The following DLG2 variants were observed in gnomAD, a reference collection of about 807,000 sequenced individuals.
The protein encoded by DLG2 is discs large MAGUK scaffold protein 2, also known as disks large homolog 2.
DLG2 carries 45 observed loss-of-function variants against 132.5 expected under a neutral mutation model. The observed-to-expected ratio is 0.34, with a 90% confidence interval of 0.27 to 0.44. The LOEUF (loss-of-function observed/expected upper bound fraction) is 0.44, where lower values mean the gene tolerates loss of function less well. Ranked by LOEUF, DLG2 falls within the 20% of genes least tolerant of loss-of-function variation. The pLI is 1.00. For missense variants in DLG2, 1,045 were observed against 1,196.9 expected (o/e 0.87, Z 1.87); for synonymous variants, 424 against 419.6 (o/e 1.01, Z -0.13).
chr11:85,238,205 TTTTATTTATTTATTTATTTATTTATTTA>T lies in DLG2; in HGVS notation c.186+46987_186+47014del, dbSNP rs141877580. ...AACTTTTTTTTATTTTTTATTTTTA[TTTTATTTATTTATTTATTTATTTATTTA>T]TTTATTTATTTATTTATTTATTTAT... On this transcript the variant is annotated intron_variant, in intron 4 of 27. Transcript: ENST00000376104. Among the ~76,000 whole-genome samples the T allele has an allele frequency of 1.0e-3, 128 of 125,994 alleles. 1 individual carries two copies. The highest frequency in any genetic ancestry group is 3.6e-3 in the African/African-American group (121 of 33,992). The allele number at this position is 125,994 out of a possible 152,430, so 82.7% of individuals were successfully genotyped here. A position where few individuals can be genotyped will look rare whatever the true frequency, so the allele number is the denominator to read the frequency against.
chr11:84,785,107 T>C (rs1015922546), intron 6 of DLG2, among the ~76,000 whole-genome samples: 15 of 152,136 alleles, frequency 9.9e-5, no homozygotes, highest in African/African-American at 3.6e-4. Flanking sequence ...AAATGTATGA[T>C]GAGAAAAAAA....
intron 22 of DLG2, among the ~76,000 whole-genome samples, chr11:83,473,754 C>A (rs765044235): frequency 7.2e-5 from 11 of 152,032 alleles, no homozygotes; most frequent in Non-Finnish European, 1.5e-4. Context: ...TGTATATCCT[C>A]ACCACCCACC....
At chr11:85,323,595 T>G in intron 3 of DLG2, among the ~76,000 whole-genome samples, 1 of 152,220 alleles carries the variant, frequency 6.6e-6, no homozygotes, top group Non-Finnish European at 1.5e-5. Flanking sequence ...ACACTAGAAC[T>G]TATTCCTTCT....
intron 22 of DLG2, among the ~76,000 whole-genome samples, chr11:83,473,593 G>A (rs2092317924): frequency 6.6e-6 from 1 of 152,080 alleles, no homozygotes; most frequent in Non-Finnish European, 1.5e-5. Flanking sequence ...TGCAAACCCG[G>A]AAGTGTCTGC....
chr11:84,620,997 G>A (rs1227890605), intron 6 of DLG2, among the ~76,000 whole-genome samples: 4 of 152,116 alleles, frequency 2.6e-5, no homozygotes, highest in African/African-American at 9.7e-5. Context: ...ATATTGCACA[G>A]AGTAGAAACG....
intron 7 of DLG2, among the ~76,000 whole-genome samples, chr11:84,440,189 G>A (rs2099013314): frequency 6.6e-6 from 1 of 152,194 alleles, no homozygotes; most frequent in African/African-American, 2.4e-5. Context: ...GGCCCTGCCA[G>A]CTAAGATTTA....
intron 3 of DLG2, among the ~76,000 whole-genome samples, chr11:85,300,237 C>G (rs553926364): frequency 6.6e-6 from 1 of 152,044 alleles, no homozygotes; most frequent in Non-Finnish European, 1.5e-5. Flanking sequence ...TAAATGGGAG[C>G]AACAAAACAA....
intron 15 of DLG2, among the ~76,000 whole-genome samples, chr11:83,898,594 T>C: frequency 6.6e-6 from 1 of 152,148 alleles, no homozygotes; most frequent in Non-Finnish European, 1.5e-5. Flanking sequence ...TATTACTTTC[T>C]ATGAGATATT....
At chr11:85,022,039 C>CA (rs1160789170) in intron 6 of DLG2, among the ~76,000 whole-genome samples, 13 of 151,914 alleles carry the variant, frequency 8.6e-5, no homozygotes, top group Middle Eastern at 3.5e-3. Context: ...CCTAGCCTTT[C>CA]AAAAAATTGC....
chr11:84,073,850 A>C (rs2096789317), intron 10 of DLG2, among the ~76,000 whole-genome samples: 3 of 152,220 alleles, frequency 2.0e-5, no homozygotes, highest in Admixed American at 2.0e-4. Flanking sequence ...GGTGTGTCAT[A>C]AGCCCCCCAC....
At chr11:83,565,038 G>A (rs2096680493) in intron 19 of DLG2, among the ~76,000 whole-genome samples, 1 of 152,128 alleles carries the variant, frequency 6.6e-6, no homozygotes, top group African/African-American at 2.4e-5. Flanking sequence ...CTCCTTGAGG[G>A]CAGGCGCCTA....
chr11:83,521,033 G>A (rs1400962306), intron 21 of DLG2, among the ~76,000 whole-genome samples: 1 of 152,190 alleles, frequency 6.6e-6, no homozygotes, highest in Admixed American at 6.5e-5. Flanking sequence ...CCAAGAGCAT[G>A]GGCAAAGGCT....
At chr11:85,522,454 G>A (rs1244154939) in intron 3 of DLG2, among the ~76,000 whole-genome samples, 1 of 152,162 alleles carries the variant, frequency 6.6e-6, no homozygotes, top group East Asian at 1.9e-4. Context: ...TCCCCCCTAG[G>A]GCACTGCCTA....
intron 6 of DLG2, among the ~76,000 whole-genome samples, chr11:84,893,856 G>C (rs1254213472): frequency 6.6e-6 from 1 of 152,114 alleles, no homozygotes; most frequent in Non-Finnish European, 1.5e-5. Flanking sequence ...GAAATTGTTA[G>C]CTTACAGCAC....
intron 6 of DLG2, among the ~76,000 whole-genome samples, chr11:85,014,859 C>T (rs2059439672): frequency 6.6e-6 from 1 of 152,158 alleles, no homozygotes; most frequent in Non-Finnish European, 1.5e-5. Flanking sequence ...GGTAATTGCA[C>T]CAGATTTATG....
intron 7 of DLG2, among the ~76,000 whole-genome samples, chr11:84,329,815 T>C (rs2098450282): frequency 6.6e-6 from 1 of 152,238 alleles, no homozygotes; most frequent in Non-Finnish European, 1.5e-5. Context: ...CTGTTTTCTA[T>C]GTTTGTGTAT....
intron 6 of DLG2, among the ~76,000 whole-genome samples, chr11:84,704,173 A>G (rs946818516): frequency 4.0e-5 from 6 of 151,422 alleles, no homozygotes; most frequent in African/African-American, 1.2e-4. Flanking sequence ...CCCTACTGCT[A>G]ATAAATGGTA....
At chr11:83,475,362 T>A (rs907459389) in intron 22 of DLG2, among the ~76,000 whole-genome samples, 1 of 152,132 alleles carries the variant, frequency 6.6e-6, no homozygotes, top group African/African-American at 2.4e-5. Flanking sequence ...CACTGGCTTT[T>A]ATGTCTCACA....
chr11:84,155,412 C>T (rs544707676), intron 9 of DLG2, among the ~76,000 whole-genome samples: 4 of 151,336 alleles, frequency 2.6e-5, no homozygotes, highest in Non-Finnish European at 4.4e-5. Flanking sequence ...ATGATTTACT[C>T]GATATTTTGG....
Sources: gnomAD v4.1 joint callset for allele counts (sites outside exome capture counted in the v4.1 genomes callset) on GRCh38, gnomAD v4.1.1 for gene constraint, MANE v1.5 for transcripts, NCBI Gene and HGNC (gene_info 2026-07-23, HGNC 2026-07-21) for gene names.